AGBL1: variants seen among roughly 807,000 people sequenced by gnomAD.
The protein encoded by AGBL1 is cytosolic carboxypeptidase 4.
A neutral mutation model predicts 118.9 loss-of-function variants in AGBL1; 130 were observed. That is an observed-to-expected ratio of 1.09 (90% confidence interval 0.95 to 1.26). AGBL1 has a LOEUF of 1.26. AGBL1 is among the 50% of genes most tolerant of loss of function. AGBL1 has a pLI of 0.00. For missense variants in AGBL1, 1,584 were observed against 1,298.1 expected (o/e 1.22, Z -3.38); for synonymous variants, 555 against 478.9 (o/e 1.16, Z -2.08).
At position 86,572,424 on chromosome 15, in the gene AGBL1, T is replaced by A. The variant is rs189872745; in HGVS notation, c.2994+17887T>A. Among the ~76,000 whole-genome samples, 215 of 152,266 alleles carry A rather than the reference T, an allele frequency of 1.4e-3. 2 individuals carry two copies. Among genetic ancestry groups the A allele is most frequent in the African/African-American group, 4.9e-3 (203 of 41,576 alleles). ...GGGTCCCCCTCTGAGAGTTCCTCTG[T>A]ACCATACCGTGCTGCTCTCCTGACG... is the stretch of plus-strand genomic sequence containing the variant. On this transcript the variant is annotated intron_variant, in intron 21 of 22. Coordinates refer to ENST00000614907, the MANE Select transcript of AGBL1 (RefSeq NM_001386094.1).
At chr15:86,649,455 A>C (rs960707967) in intron 21 of AGBL1, among the ~76,000 whole-genome samples, 6 of 152,288 alleles carry the variant, frequency 3.9e-5, no homozygotes, top group African/African-American at 1.2e-4. Flanking sequence ...TACTGAGTCC[A>C]CTGGAAATTT....
At chr15:86,631,855 C>T (rs1365317876) in intron 21 of AGBL1, among the ~76,000 whole-genome samples, 1 of 152,168 alleles carries the variant, frequency 6.6e-6, no homozygotes, top group Non-Finnish European at 1.5e-5. Flanking sequence ...TTTCTTCCCT[C>T]TGTTCTCATT....
chr15:86,552,451 A>G (rs1206572160), intron 20 of AGBL1, among the ~76,000 whole-genome samples: 1 of 152,218 alleles, frequency 6.6e-6, no homozygotes, highest in Non-Finnish European at 1.5e-5. Context: ...AGTTAAAGCT[A>G]TTTGCCAGTA....
At chr15:86,484,385 C>T (rs762224970) in intron 18 of AGBL1, among the ~76,000 whole-genome samples, 1 of 152,076 alleles carries the variant, frequency 6.6e-6, no homozygotes, top group Non-Finnish European at 1.5e-5. Context: ...GTTATTGTAA[C>T]ATGTGTTCAT....
chr15:86,634,286 A>G (rs1242486372), intron 21 of AGBL1, among the ~76,000 whole-genome samples: 7 of 152,216 alleles, frequency 4.6e-5, no homozygotes, highest in African/African-American at 1.7e-4. Context: ...AGCGCTATTT[A>G]TAACAGCCAA....
rs115973558 is a variant in AGBL1, at chr15:86,623,845, G to A, written c.2995-50428G>A. On this transcript the variant is annotated intron_variant, in intron 21 of 22. Coordinates refer to ENST00000614907, the MANE Select transcript of AGBL1 (RefSeq NM_001386094.1). ...TGCATACACTTCTGTGGATTTTACT[G>A]TCTATTCACCTGAAATTAAATTCTG... Among the ~76,000 whole-genome samples the A allele has an allele frequency of 6.4e-3, 982 of 152,258 alleles. 7 individuals are homozygous for A. Among genetic ancestry groups the A allele is most frequent in the African/African-American group, 0.023 (944 of 41,552 alleles).
intron 6 of AGBL1, among the ~76,000 whole-genome samples, chr15:86,243,502 A>G (rs2078670400): frequency 6.6e-6 from 1 of 152,214 alleles, no homozygotes; most frequent in Non-Finnish European, 1.5e-5. Context: ...GGACAGAGAT[A>G]AATCTCCTGT....
intron 22 of AGBL1, among the ~76,000 whole-genome samples, chr15:86,711,990 T>G (rs969703930): frequency 4.6e-5 from 7 of 152,186 alleles, no homozygotes; most frequent in African/African-American, 1.7e-4. Context: ...TCTGCTGTCT[T>G]GCAAATGAGG....
At chr15:86,445,076 C>T (rs8034019) in intron 18 of AGBL1, among the ~76,000 whole-genome samples, 100,675 of 152,060 alleles carry the variant, frequency 0.66, 35,020 homozygotes, top group East Asian at 0.87. Context: ...GTATTATTAC[C>T]GTGTGCATCT....
chr15:86,164,512 G>A (rs532253982), intron 5 of AGBL1, among the ~76,000 whole-genome samples: 4 of 152,252 alleles, frequency 2.6e-5, no homozygotes, highest in Admixed American at 6.5e-5. Flanking sequence ...CCTTTGTGCC[G>A]TCATTCCCAG....
chr15:86,307,559 A>T (rs2079859029), intron 17 of AGBL1, among the ~76,000 whole-genome samples: 1 of 152,126 alleles, frequency 6.6e-6, no homozygotes, highest in Non-Finnish European at 1.5e-5. Context: ...AATAAAAGTG[A>T]TGTGCCTGGT....
chr15:86,156,645 T>A (rs916159259), intron 4 of AGBL1, among the ~76,000 whole-genome samples: 4 of 152,178 alleles, frequency 2.6e-5, no homozygotes, highest in Admixed American at 2.6e-4. Context: ...CTAGTTTCTC[T>A]TCCCCGCCCT....
chr15:86,612,790 T>C (rs1308897058), intron 21 of AGBL1, among the ~76,000 whole-genome samples: 1 of 152,186 alleles, frequency 6.6e-6, no homozygotes, highest in Non-Finnish European at 1.5e-5. Context: ...AATTTTACCA[T>C]CCATTCTCTC....
chr15:86,978,507 C>T (rs1223462841), intron 23 of AGBL1, among the ~76,000 whole-genome samples: 1 of 152,142 alleles, frequency 6.6e-6, no homozygotes, highest in Non-Finnish European at 1.5e-5. Context: ...TCGTGCAGCC[C>T]TACAGCAAGG....
intron 15 of AGBL1, among the ~76,000 whole-genome samples, chr15:86,277,460 C>T (rs1206982869): frequency 6.6e-6 from 1 of 152,140 alleles, no homozygotes; most frequent in Non-Finnish European, 1.5e-5. Context: ...CATTTTATTT[C>T]TCTTTCCATT....
chr15:86,869,319 A>T (rs1286446300), intron 22 of AGBL1, among the ~76,000 whole-genome samples: 2 of 152,124 alleles, frequency 1.3e-5, no homozygotes, highest in East Asian at 3.9e-4. Context: ...ACAATGGCAC[A>T]GCTGCTCCCA....
In AGBL1 at chr15:86,279,632, T is replaced by G. The variant is rs374125498; in HGVS notation, c.2076-7T>G. The G allele has an allele frequency of 2.5e-6, 4 of 1,612,560 alleles. No homozygotes were observed. In the African/African-American group the frequency reaches 5.3e-5, roughly 22 times the overall value. ...TATTCTCTTCTCTTCTCCTCCTCTC[T>G]CTTTAGAAATCATTATCGCCAGAGT... On this transcript the variant is annotated splice_region_variant and splice_polypyrimidine_tract_variant and intron_variant, in intron 15 of 22. Transcript: ENST00000614907.
In AGBL1 at chr15:86,286,739, A is replaced by ATATATATATATATATATATATG. The variant is rs1223146019; in HGVS notation, c.2220+6966_2220+6967insTATATATATATGTATATATATA. Among the ~76,000 whole-genome samples, 100 of 137,088 alleles carry ATATATATATATATATATATATG rather than the reference A, an allele frequency of 7.3e-4. 6 individuals are homozygous for ATATATATATATATATATATATG. The highest frequency in any genetic ancestry group is 3.8e-3 in the Middle Eastern group (1 of 262). The allele number at this position is 137,088 out of a possible 152,430, so 89.9% of individuals were successfully genotyped here. A position where few individuals can be genotyped will look rare whatever the true frequency, so the allele number is the denominator to read the frequency against. ...TGTGTGTGTGTGTTTGTGTGTGTAT[A>ATATATATATATATATATATATG]TATATATATAAAACTCCATCAATGC... On this transcript the variant is annotated intron_variant, in intron 16 of 22. Coordinates refer to ENST00000614907, the MANE Select transcript of AGBL1 (RefSeq NM_001386094.1).
intron 18 of AGBL1, among the ~76,000 whole-genome samples, chr15:86,459,527 T>A (rs113472355): frequency 3.9e-5 from 6 of 152,180 alleles, no homozygotes; most frequent in Non-Finnish European, 8.8e-5. Context: ...ATAAATAGTT[T>A]GGGTGAAAAG....
Sources: gnomAD v4.1 joint callset for allele counts (sites outside exome capture counted in the v4.1 genomes callset) on GRCh38, gnomAD v4.1.1 for gene constraint, MANE v1.5 for transcripts, NCBI Gene and HGNC (gene_info 2026-07-23, HGNC 2026-07-21) for gene names.